The following WNT3 variants were observed in gnomAD, a reference collection of about 807,000 sequenced individuals.
The protein encoded by WNT3 is Wnt family member 3.
A neutral mutation model predicts 34.2 loss-of-function variants in WNT3; 7 were observed. The ratio of observed to expected loss-of-function variants is 0.20; its 90% CI spans 0.12 to 0.38. The LOEUF (loss-of-function observed/expected upper bound fraction) is 0.38, where lower values mean the gene tolerates loss of function less well. WNT3 is among the 10% of genes least tolerant of loss of function. The pLI is 1.00. For synonymous variants in WNT3, 212 were observed against 211.5 expected (o/e 1.00, Z -0.02); for missense variants, 267 against 499.8 (o/e 0.53, Z 4.44).
intron 1 of WNT3, among the ~76,000 whole-genome samples, chr17:46,801,904 C>G (rs2146444411): frequency 6.6e-6 from 1 of 152,270 alleles, no homozygotes; most frequent in Admixed American, 6.5e-5. Context: ...CCGCCAAGCC[C>G]TAAGGCCTGG....
At chr17:46,786,197 G>A (rs1472655633) in intron 1 of WNT3, among the ~76,000 whole-genome samples, 3 of 152,038 alleles carry the variant, frequency 2.0e-5, no homozygotes, top group Non-Finnish European at 2.9e-5. Flanking sequence ...ACCTGGGGAG[G>A]AGGAAAGAGA....
At chr17:46,782,450 C>T (rs545291386) in intron 1 of WNT3, among the ~76,000 whole-genome samples, 20 of 152,208 alleles carry the variant, frequency 1.3e-4, no homozygotes, top group Non-Finnish European at 2.5e-4. Context: ...GACAGAGGCC[C>T]AACTTGTTCC....
chr17:46,778,454 G>A (rs1199309843), intron 1 of WNT3, among the ~76,000 whole-genome samples: 2 of 152,150 alleles, frequency 1.3e-5, no homozygotes, highest in African/African-American at 2.4e-5. Flanking sequence ...GGCCAGTGTC[G>A]GAGACTAAAG....
chr17:46,809,004 C>T (rs953326043), intron 1 of WNT3, among the ~76,000 whole-genome samples: 15 of 152,122 alleles, frequency 9.9e-5, no homozygotes, highest in Non-Finnish European at 2.9e-5. Context: ...AGACTGACCC[C>T]AGGTCAACAG....
intron 1 of WNT3, among the ~76,000 whole-genome samples, chr17:46,792,896 T>C (rs1426156003): frequency 6.6e-6 from 1 of 151,968 alleles, no homozygotes; most frequent in African/African-American, 2.4e-5. Flanking sequence ...TAACGGATGA[T>C]GACATGGGCT....
Position 46,786,076 on chromosome 17 carries a change from C to A in WNT3, c.81-12167G>T, listed in dbSNP as rs564779823. 6.7e-5 allele frequency among the ~76,000 whole-genome samples: 9 copies of A among 133,948 alleles called. No individual in the cohort carries two copies. In the South Asian group the frequency reaches 2.0e-3, roughly 30 times the overall value. The allele number at this position is 133,948 out of a possible 152,430, so 87.9% of individuals were successfully genotyped here. On this transcript the variant is annotated intron_variant, in intron 1 of 4. Coordinates refer to ENST00000225512, the MANE Select transcript of WNT3 (RefSeq NM_030753.5). ...TTTCTTACCCACCCCCCCACCCCTT[C>A]ATTTCACAGGAAAGTGAAGTTGATA...
chr17:46,818,438 C>T, intron 1 of WNT3, 80 bp downstream of exon 1: 1 of 1,432,326 alleles, frequency 7.0e-7, no homozygotes, highest in Non-Finnish European at 9.6e-7. Context: ...CCTGCAGCGG[C>T]CCACCCCCAG....
At chr17:46,778,743 C>T (rs2059432207) in intron 1 of WNT3, among the ~76,000 whole-genome samples, 1 of 152,126 alleles carries the variant, frequency 6.6e-6, no homozygotes, top group South Asian at 2.1e-4. Flanking sequence ...GGCTGTTTCA[C>T]ACTTCTGCAC....
intron 1 of WNT3, among the ~76,000 whole-genome samples, chr17:46,800,467 G>A (rs753881007): frequency 3.3e-5 from 5 of 152,212 alleles, no homozygotes; most frequent in African/African-American, 4.8e-5. Context: ...TGTGAGGCTC[G>A]CTAGTGATGC....
intron 2 of WNT3, among the ~76,000 whole-genome samples, chr17:46,771,746 C>T (rs1390038996): frequency 2.0e-5 from 2 of 97,564 alleles, no homozygotes; most frequent in Admixed American, 1.0e-4. Flanking sequence ...CCCATTGAAG[C>T]GGCGCCCCCC....
chr17:46,775,674 C>T lies in WNT3; in HGVS notation c.81-1765G>A, dbSNP rs150575742. 1.6e-4 allele frequency among the ~76,000 whole-genome samples: 23 copies of T among 143,740 alleles called. No individual in the cohort carries two copies. The East Asian group carries it at 3.9e-3, about 24-fold the overall frequency. The allele number at this position is 143,740 out of a possible 152,430, so 94.3% of individuals were successfully genotyped here. A position where few individuals can be genotyped will look rare whatever the true frequency, so the allele number is the denominator to read the frequency against. On this transcript the variant is annotated intron_variant, in intron 1 of 4. Transcript: ENST00000225512. ...TGTCACCCAGGCTGGAATGCAGTGA[C>T]GTGATCTCGGCTCACTGCAAGCTCC...
chr17:46,773,851 A>G lies in WNT3; in HGVS notation c.139T>C (p.Ser47Pro). Reference protein sequence around the residue: ...SLGSQPLLCGSIPGLVPKQLR... With the variant: ...SLGSQPLLCGPIPGLVPKQLR... ...TGCTTGGGGACCAGGCCTGGGATGG[A>G]GCCGCAGAGCAGGGGCTGTGAGCCC... Residue 47 changes from serine (S) to proline (P), a missense_variant, in exon 2 of 5, where the codon TCC (serine) becomes CCC (proline). Ser to Pro is a moderately conservative substitution (Grantham distance 74). Coordinates refer to ENST00000225512, the MANE Select transcript of WNT3 (RefSeq NM_030753.5). 6.2e-7 allele frequency: 1 copy of G among 1,613,068 alleles called. No individual in the cohort carries two copies. The highest frequency in any genetic ancestry group is 8.5e-7 in the Non-Finnish European group (1 of 1,180,008).
At chr17:46,796,771 G>C (rs1479008589) in intron 1 of WNT3, among the ~76,000 whole-genome samples, 2 of 152,180 alleles carry the variant, frequency 1.3e-5, no homozygotes, top group African/African-American at 4.8e-5. Flanking sequence ...ATAGGAGAGG[G>C]GGCTCAGCTG....
At chr17:46,785,671 G>A (rs973784862) in intron 1 of WNT3, among the ~76,000 whole-genome samples, 1 of 152,252 alleles carries the variant, frequency 6.6e-6, no homozygotes, top group Non-Finnish European at 1.5e-5. Context: ...GGGACCACCT[G>A]AGAGCCCGGG....
chr17:46,808,503 G>C (rs982821026), intron 1 of WNT3, among the ~76,000 whole-genome samples: 4 of 152,188 alleles, frequency 2.6e-5, no homozygotes, highest in African/African-American at 9.7e-5. Flanking sequence ...AAGGAAAAAG[G>C]CTTTAGGTCC....
chr17:46,816,802 C>T (rs2084356419), intron 1 of WNT3, among the ~76,000 whole-genome samples: 1 of 152,232 alleles, frequency 6.6e-6, no homozygotes, highest in African/African-American at 2.4e-5. Context: ...TTCCTACCCT[C>T]CCCCAACCCA....
In WNT3 at chr17:46,768,287, T is replaced by TC. The variant is rs775240481; in HGVS notation, c.*8+24dup. 6.8e-6 allele frequency: 11 copies of TC among 1,612,244 alleles called. No homozygotes were observed. The highest frequency in any genetic ancestry group is 4.4e-5 in the South Asian group (4 of 91,042). On this transcript the variant is annotated intron_variant, in intron 4 of 4. Transcript: ENST00000225512. This position sits in a 1 kb window ranked among gnomAD's most constrained non-coding sequence, Gnocchi z 5.0. ...ATTCCCTGCGCCCAGGCTCCCAGCC[T>TC]CCCCCCTGCTTCCCGGAGCCCTACC...
chr17:46,816,065 A>G (rs2084337855), intron 1 of WNT3, among the ~76,000 whole-genome samples: 1 of 152,108 alleles, frequency 6.6e-6, no homozygotes, highest in African/African-American at 2.4e-5. Context: ...GCACAAAGAC[A>G]TCTGTGGGGC....
intron 1 of WNT3, among the ~76,000 whole-genome samples, chr17:46,799,219 G>A (rs1227904823): frequency 6.6e-6 from 1 of 152,062 alleles, no homozygotes; most frequent in African/African-American, 2.4e-5. Context: ...TCTGCCACAT[G>A]CCTCCCCACC....
Sources: allele counts gnomAD v4.1 joint callset (sites outside exome capture counted in the v4.1 genomes callset), GRCh38; gene constraint gnomAD v4.1.1; non-coding constraint Gnocchi (gnomAD v3.1); transcripts MANE v1.5; gene names NCBI Gene and HGNC (gene_info 2026-07-23, HGNC 2026-07-21).